Variants in MAP1B observed in about 807,000 individuals in gnomAD.
MAP1B encodes microtubule-associated protein 1B.
Under a neutral mutation model 176.1 loss-of-function variants are expected in MAP1B, and 12 were observed. The ratio of observed to expected loss-of-function variants is 0.07; its 90% CI spans 0.04 to 0.11. MAP1B has a LOEUF of 0.11. Among genes scored for constraint, MAP1B ranks in the 10% least tolerant of loss-of-function variants. MAP1B has a pLI of 1.00. For synonymous variants in MAP1B, 1,044 were observed against 1,135.0 expected (o/e 0.92, Z 1.61); for missense variants, 2,523 against 2,990.5 (o/e 0.84, Z 3.65).
intron 2 of MAP1B, among the ~76,000 whole-genome samples, chr5:72,119,067 T>G (rs1461426515): frequency 6.6e-6 from 1 of 152,232 alleles, no homozygotes; most frequent in African/African-American, 2.4e-5. Flanking sequence ...AAGACCACTC[T>G]GAAAGACTTA....
rs1400529717 is a variant in MAP1B at position 72,197,389 on chromosome 5, C to T, written c.4034C>T (p.Ser1345Phe). ...TATCAATCTCCTACTGACGAGAAAT[C>T]CAGTCATCTCCCTACAGAAGTCATT... ...PYYQSPTDEK[S>F]SHLPTEVIEK... The change falls in exon 5 of 7, where the codon TCC becomes TTC. Residue 1345 changes from serine to phenylalanine, a missense_variant. By Grantham distance (155) the Ser-to-Phe change is radical. Coordinates refer to ENST00000296755, the MANE Select transcript of MAP1B (RefSeq NM_005909.5). 3.1e-6 allele frequency: 5 copies of T among 1,614,062 alleles called. No individual in the cohort carries two copies. The Admixed American group carries it at 5.0e-5, about 16-fold the overall frequency.
intron 2 of MAP1B, among the ~76,000 whole-genome samples, chr5:72,135,276 A>G (rs1438243342): frequency 6.6e-6 from 1 of 152,170 alleles, no homozygotes; most frequent in African/African-American, 2.4e-5. Context: ...TAGTACTTGC[A>G]TCTCAAAGGG....
intron 2 of MAP1B, among the ~76,000 whole-genome samples, chr5:72,156,378 C>T (rs557279195): frequency 5.6e-4 from 85 of 152,236 alleles, no homozygotes; most frequent in African/African-American, 2.0e-3. Context: ...AGCAAGAAGA[C>T]GATAGGCGAA....
chr5:72,163,269 C>G (rs1746362069), intron 2 of MAP1B, among the ~76,000 whole-genome samples: 1 of 149,074 alleles, frequency 6.7e-6, no homozygotes, highest in South Asian at 2.2e-4. Context: ...TATAGAGAAA[C>G]CTAAGGAGAG....
chr5:72,133,010 G>A (rs374996192), intron 2 of MAP1B, among the ~76,000 whole-genome samples: 2 of 152,026 alleles, frequency 1.3e-5, no homozygotes, highest in African/African-American at 2.4e-5. Flanking sequence ...AATTTTACCC[G>A]CTCATCTAGA....
rs1400877324 is a variant in MAP1B at position 72,194,909 on chromosome 5, A to G, written c.1554A>G (p.Gln518=). The change falls in exon 5 of 7, where the codon CAA becomes CAG. Residue 518 remains glutamine (Q), a synonymous_variant. Transcript: ENST00000296755. The surrounding 1 kb of genome is among the most constrained non-coding windows in gnomAD (Gnocchi z 7.2). ...LDFLKQPLAT[Q]KDLTGQVPTP... The stretch of plus-strand genomic sequence containing the variant: ...TTCTGAAGCAGCCACTGGCCACCCA[A>G]AAGGATCTCACTGGCCAGGTGCCCA... The G allele has an allele frequency of 6.2e-7, 1 of 1,614,162 alleles. No individual in the cohort carries two copies. Among genetic ancestry groups the G allele is most frequent in the African/African-American group, 1.3e-5 (1 of 75,040 alleles).
intron 2 of MAP1B, among the ~76,000 whole-genome samples, chr5:72,119,293 A>G (rs1326066882): frequency 1.3e-5 from 2 of 152,224 alleles, no homozygotes; most frequent in African/African-American, 2.4e-5. Context: ...TTGCCTAAAG[A>G]TCACTCAACA....
intron 2 of MAP1B, among the ~76,000 whole-genome samples, chr5:72,183,022 G>A (rs774144550): frequency 5.9e-5 from 9 of 152,204 alleles, no homozygotes; most frequent in Admixed American, 3.9e-4. Flanking sequence ...GGGAGTCAGC[G>A]TTGTGGAGCC....
Position 72,196,442 on chromosome 5 carries a change from C to A in MAP1B, c.3087C>A (p.Ala1029=), listed in dbSNP as rs1420545552. The A allele has an allele frequency of 6.2e-7, 1 of 1,613,652 alleles. No individual in the cohort carries two copies. The highest frequency in any genetic ancestry group is 1.3e-5 in the African/African-American group (1 of 74,936). The change falls in exon 5 of 7, where the codon GCC becomes GCA. Residue 1029 remains alanine, a synonymous_variant. Coordinates refer to ENST00000296755, the MANE Select transcript of MAP1B (RefSeq NM_005909.5). The surrounding 1 kb of genome is among the most constrained non-coding windows in gnomAD (Gnocchi z 5.3). ...EADEEDKAED[A]REEEYEPEKM... is the part of the protein sequence containing the mutation. Reference sequence around the variant, plus strand: ...ATGAGGAGGACAAAGCTGAAGATGCCAGAGAGGAGGAATATGAGCCGGAAA... The same window carrying A: ...ATGAGGAGGACAAAGCTGAAGATGCAAGAGAGGAGGAATATGAGCCGGAAA...
chr5:72,158,932 C>A (rs914559316), intron 2 of MAP1B, among the ~76,000 whole-genome samples: 2 of 152,172 alleles, frequency 1.3e-5, no homozygotes, highest in Non-Finnish European at 2.9e-5. Flanking sequence ...GTGATTATAG[C>A]AACACCCATT....
intron 2 of MAP1B, among the ~76,000 whole-genome samples, chr5:72,149,200 T>A (rs1315149179): frequency 6.6e-6 from 1 of 152,232 alleles, no homozygotes; most frequent in Admixed American, 6.5e-5. Context: ...TCTTTCTAGA[T>A]TTTAGAAAAC....
Position 72,194,895 on chromosome 5 carries a change from C to T in MAP1B, c.1540C>T (p.Pro514Ser), listed in dbSNP as rs745387782. 1.9e-6 allele frequency: 3 copies of T among 1,614,170 alleles called. No individual in the cohort carries two copies. The South Asian group carries it at 3.3e-5, about 18-fold the overall frequency. Reference protein sequence around the residue: ...KLKHLDFLKQPLATQKDLTGQ... With the variant: ...KLKHLDFLKQSLATQKDLTGQ... Reference sequence around the variant, plus strand: ...CAAACATCTAGACTTTCTGAAGCAGCCACTGGCCACCCAAAAGGATCTCAC... The same window carrying T: ...CAAACATCTAGACTTTCTGAAGCAGTCACTGGCCACCCAAAAGGATCTCAC... Residue 514 changes from proline (P) to serine (S), a missense_variant, in exon 5 of 7, where the codon CCA becomes TCA. Pro to Ser is a moderately conservative substitution (Grantham distance 74). This residue lies in a region of MAP1B where 1,925 missense variants were observed against 2,126.0 expected (regional missense o/e 0.91). Coordinates refer to ENST00000296755, the MANE Select transcript of MAP1B (RefSeq NM_005909.5). The surrounding 1 kb of genome is among the most constrained non-coding windows in gnomAD (Gnocchi z 7.2).
chr5:72,200,348 G>A lies in MAP1B; in HGVS notation c.6993G>A (p.Ser2331=), dbSNP rs530617482. Residue 2331 remains serine (S), a synonymous_variant, in exon 5 of 7, where the codon TCG becomes TCA. Coordinates refer to ENST00000296755, the MANE Select transcript of MAP1B (RefSeq NM_005909.5). ...CTGCCAATGCCTCTGCATCCAAGTC[G>A]GCCAAGACCGCCACTGCAGGTAGGT... ...KNAANASASK[S]AKTATAGPGT... is the part of the protein sequence containing the mutation. 22 of 1,613,234 alleles carry A rather than the reference G, an allele frequency of 1.4e-5. No homozygotes were observed. Among genetic ancestry groups the A allele is most frequent in the African/African-American group, 2.7e-5 (2 of 75,032 alleles).
chr5:72,161,956 CAAAAAA>C (rs4043357), intron 2 of MAP1B, among the ~76,000 whole-genome samples: 13 of 84,998 alleles, frequency 1.5e-4, no homozygotes, highest in African/African-American at 5.3e-4. Flanking sequence ...AATTCCGTCT[CAAAAAA>C]AAAAAAAAAA....
chr5:72,179,945 C>A, intron 2 of MAP1B: 1 of 985,202 alleles, frequency 1.0e-6, no homozygotes, highest in Non-Finnish European at 1.2e-6. Context: ...GTTTTGTTTG[C>A]AACTGATGAA....
chr5:72,176,677 T>C (rs1400459624), intron 2 of MAP1B, among the ~76,000 whole-genome samples: 1 of 152,228 alleles, frequency 6.6e-6, no homozygotes, highest in Non-Finnish European at 1.5e-5. Context: ...TAGCCTTGTA[T>C]TCAGTCATTT....
intron 4 of MAP1B, among the ~76,000 whole-genome samples, chr5:72,192,878 T>G (rs955406142): frequency 1.3e-5 from 2 of 152,248 alleles, no homozygotes; most frequent in Non-Finnish European, 2.9e-5. Context: ...AGTGTTTTTA[T>G]TAAACCACAA....
chr5:72,131,944 T>A (rs1016238935), intron 2 of MAP1B, among the ~76,000 whole-genome samples: 1 of 152,252 alleles, frequency 6.6e-6, no homozygotes, highest in African/African-American at 2.4e-5. Flanking sequence ...AAATGTCCAC[T>A]TCTTTTCTAC....
At chr5:72,180,374 A>G (rs1168801027) in intron 2 of MAP1B, among the ~76,000 whole-genome samples, 1 of 152,102 alleles carries the variant, frequency 6.6e-6, no homozygotes, top group African/African-American at 2.4e-5. Context: ...TTTCATCTCA[A>G]CCTAGTGCCT....
Sources: allele counts gnomAD v4.1 joint callset (sites outside exome capture counted in the v4.1 genomes callset), GRCh38; gene constraint gnomAD v4.1.1; regional missense constraint gnomAD v4.1.1; non-coding constraint Gnocchi (gnomAD v3.1); transcripts MANE v1.5; gene names NCBI Gene and HGNC (gene_info 2026-07-23, HGNC 2026-07-21).